The following NFIB variants were observed in gnomAD, a reference collection of about 807,000 sequenced individuals.
NFIB encodes the protein nuclear factor I B.
Under a neutral mutation model 61.5 loss-of-function variants are expected in NFIB, and 11 were observed. The observed-to-expected ratio is 0.18, with a 90% confidence interval of 0.11 to 0.30. The LOEUF (loss-of-function observed/expected upper bound fraction) is 0.30, where lower values mean the gene tolerates loss of function less well. Among genes scored for constraint, NFIB ranks in the 10% least tolerant of loss-of-function variants. NFIB has a pLI of 1.00. For missense variants in NFIB, 471 were observed against 608.9 expected (o/e 0.77, Z 2.38); for synonymous variants, 260 against 216.5 (o/e 1.20, Z -1.76).
intron 1 of NFIB, among the ~76,000 whole-genome samples, chr9:14,350,514 T>TGGGGGGG (rs35774336): frequency 1.4e-5 from 2 of 140,192 alleles, no homozygotes; most frequent in African/African-American, 2.7e-5. Flanking sequence ...CTGGGTGGGG[T>TGGGGGGG]GGGGGGGGAA....
At chr9:14,184,427 T>C (rs1466603411) in intron 2 of NFIB, among the ~76,000 whole-genome samples, 2 of 152,204 alleles carry the variant, frequency 1.3e-5, no homozygotes, top group Non-Finnish European at 2.9e-5. Flanking sequence ...TATATCTAAG[T>C]TGGAAGCAAT....
Position 14,179,708 on chromosome 9 carries a change from T to A in NFIB, c.616+19A>T, listed in dbSNP as rs1563870686. 6.2e-7 allele frequency: 1 copy of A among 1,613,340 alleles called. No homozygotes were observed. The highest frequency in any genetic ancestry group is 1.7e-5 in the Admixed American group (1 of 59,966). The stretch of plus-strand genomic sequence containing the variant: ...CTCCAACAATGTCAGATTGCAAATG[T>A]CCTGGAACACATATTTACCTGGAGG... On this transcript the variant is annotated intron_variant, in intron 3 of 10. Coordinates refer to ENST00000380953, the MANE Select transcript of NFIB (RefSeq NM_001190737.2).
chr9:14,473,702 T>C, the NFIB span, among the ~76,000 whole-genome samples: 1 of 152,234 alleles, frequency 6.6e-6, no homozygotes, highest in African/African-American at 2.4e-5. Context: ...CTACAAGGCA[T>C]TTGCGACACC....
At chr9:14,228,969 T>C (rs776593560) in intron 2 of NFIB, among the ~76,000 whole-genome samples, 54 of 152,044 alleles carry the variant, frequency 3.6e-4, no homozygotes, top group Admixed American at 8.5e-4. Flanking sequence ...GTTGTTTTTA[T>C]TATAATCATT....
At chr9:14,267,095 A>G (rs1022149886) in intron 2 of NFIB, among the ~76,000 whole-genome samples, 15 of 152,170 alleles carry the variant, frequency 9.9e-5, no homozygotes, top group Admixed American at 2.6e-4. Context: ...AGATGAAAAG[A>G]GGCATGCCAA....
chr9:14,111,957 C>A (rs1219345872), intron 10 of NFIB, among the ~76,000 whole-genome samples: 1 of 152,146 alleles, frequency 6.6e-6, no homozygotes, highest in Middle Eastern at 3.2e-3. Flanking sequence ...CCACACCAAG[C>A]ACAGTTGAGG....
chr9:14,297,977 A>AG (rs1209830210), intron 2 of NFIB, among the ~76,000 whole-genome samples: 1 of 152,100 alleles, frequency 6.6e-6, no homozygotes, highest in African/African-American at 2.4e-5. Flanking sequence ...CATGAAGAGT[A>AG]GAAAAAAAAC....
chr9:14,466,182 C>T, the NFIB span, among the ~76,000 whole-genome samples: 2 of 152,266 alleles, frequency 1.3e-5, no homozygotes, highest in East Asian at 3.9e-4. Context: ...ACTGTCAAGG[C>T]CTGTCTGGGA....
Position 14,365,033 on chromosome 9 carries a change from T to C in NFIB, c.108+33491A>G, listed in dbSNP as rs1389976118. Among the ~76,000 whole-genome samples, 9 of 152,226 alleles carry C rather than the reference T, an allele frequency of 5.9e-5. No homozygotes were observed. The South Asian group carries it at 1.9e-3, about 32-fold the overall frequency. The stretch of plus-strand genomic sequence containing the variant: ...GTTAATTTCTCATTTTCATTGTCTG[T>C]AAAATAGGCCTAACAATAGTTCCAA... On this transcript the variant is annotated intron_variant, in intron 1 of 8. Coordinates refer to the NFIB transcript ENST00000380934.
chr9:14,312,869 G>A (rs1177753841), intron 1 of NFIB, among the ~76,000 whole-genome samples: 2 of 152,070 alleles, frequency 1.3e-5, no homozygotes, highest in East Asian at 3.9e-4. Context: ...TGCCTTTGTG[G>A]TGCGGTCACT....
Position 14,120,417 on chromosome 9 carries a change from C to A in NFIB, c.1245+23G>T, listed in dbSNP as rs1436578230. 6.2e-7 allele frequency: 1 copy of A among 1,612,076 alleles called. No homozygotes were observed. Among genetic ancestry groups the A allele is most frequent in the Non-Finnish European group, 8.5e-7 (1 of 1,178,464 alleles). On this transcript the variant is annotated intron_variant, in intron 8 of 10. Transcript: ENST00000380953. The surrounding 1 kb of genome is among the most constrained non-coding windows in gnomAD (Gnocchi z 4.4). ...TGTCCCATCTCCCTTAGGTGCTAAT[C>A]TTATTTTCTCTCTTATTTTTACCTG...
the NFIB span, among the ~76,000 whole-genome samples, chr9:14,420,694 G>A: frequency 2.7e-4 from 41 of 152,092 alleles, no homozygotes; most frequent in African/African-American, 3.6e-4. Flanking sequence ...CAGAAAACCC[G>A]CAAAGTGGAT....
At chr9:14,311,437 G>C (rs2060273425) in intron 1 of NFIB, among the ~76,000 whole-genome samples, 2 of 152,144 alleles carry the variant, frequency 1.3e-5, no homozygotes, top group African/African-American at 4.8e-5. Flanking sequence ...ATGGAGCTTA[G>C]TGAAGTGAAA....
At chr9:14,213,092 TG>T (rs2050484341) in intron 2 of NFIB, among the ~76,000 whole-genome samples, 1 of 152,236 alleles carries the variant, frequency 6.6e-6, no homozygotes, top group African/African-American at 2.4e-5. Context: ...TTCGTATTTT[TG>T]TAAGCGCTGT....
At chr9:14,266,229 T>C (rs914890204) in intron 2 of NFIB, among the ~76,000 whole-genome samples, 1 of 152,160 alleles carries the variant, frequency 6.6e-6, no homozygotes, top group Non-Finnish European at 1.5e-5. Context: ...CATTCCCTTA[T>C]GCTCAAACAC....
At chr9:14,230,355 G>C (rs530127758) in intron 2 of NFIB, among the ~76,000 whole-genome samples, 1 of 152,248 alleles carries the variant, frequency 6.6e-6, no homozygotes, top group East Asian at 1.9e-4. Context: ...TTTCCAATGG[G>C]TATTAACAAA....
chr9:14,246,773 C>T lies in NFIB; in HGVS notation c.562+60216G>A, dbSNP rs189666502. 2.6e-5 allele frequency among the ~76,000 whole-genome samples: 4 copies of T among 152,244 alleles called. No individual in the cohort carries two copies. The East Asian group carries it at 7.7e-4, about 29-fold the overall frequency. On this transcript the variant is annotated intron_variant, in intron 2 of 10. Coordinates refer to ENST00000380953, the MANE Select transcript of NFIB (RefSeq NM_001190737.2). Reference sequence around the variant, plus strand: ...AGGTATATGTGTGGTTCACAGAAAACCACTAATATCACCCTGCTATTGACT... The same window carrying T: ...AGGTATATGTGTGGTTCACAGAAAATCACTAATATCACCCTGCTATTGACT...
intron 6 of NFIB, among the ~76,000 whole-genome samples, chr9:14,126,666 CG>C (rs2039691519): frequency 1.3e-5 from 2 of 152,298 alleles, no homozygotes; most frequent in South Asian, 2.1e-4. Context: ...CACAGGATGA[CG>C]GGTCTCCAGC....
intron 1 of NFIB, among the ~76,000 whole-genome samples, chr9:14,332,205 C>T (rs561456062): frequency 7.9e-5 from 12 of 151,612 alleles, no homozygotes; most frequent in Middle Eastern, 3.4e-3. Context: ...TCGTGGTGGG[C>T]GCCTGTAATC....
Sources: gnomAD v4.1 joint callset for allele counts (sites outside exome capture counted in the v4.1 genomes callset) on GRCh38, gnomAD v4.1.1 for gene constraint, Gnocchi (gnomAD v3.1) non-coding constraint, MANE v1.5 for transcripts, NCBI Gene and HGNC (gene_info 2026-07-23, HGNC 2026-07-21) for gene names.